BABAM2: variants seen among roughly 807,000 people sequenced by gnomAD.
BABAM2 encodes the protein BRISC and BRCA1-A complex member 2.
Under a neutral mutation model 54.7 loss-of-function variants are expected in BABAM2, and 31 were observed. That is an observed-to-expected ratio of 0.57 (90% CI 0.43 to 0.77). The LOEUF (loss-of-function observed/expected upper bound fraction) is 0.77, where lower values mean the gene tolerates loss of function less well. Among genes scored for constraint, BABAM2 ranks in the 30% least tolerant of loss-of-function variants. The probability of loss-of-function intolerance (pLI) is 0.00; values close to 1 mark genes in which losing one functional copy is unlikely to be tolerated. For missense variants in BABAM2, 364 were observed against 455.8 expected (o/e 0.80, Z 1.83); for synonymous variants, 167 against 162.9 (o/e 1.03, Z -0.19).
At chr2:27,960,716 GC>G (rs1670405725) in intron 3 of BABAM2, among the ~76,000 whole-genome samples, 1 of 152,178 alleles carries the variant, frequency 6.6e-6, no homozygotes, top group South Asian at 2.1e-4. Flanking sequence ...GGACCACAGA[GC>G]CTAAGTGACT....
intron 7 of BABAM2, among the ~76,000 whole-genome samples, chr2:28,157,428 A>G (rs4666040): frequency 0.25 from 37,841 of 152,134 alleles, 5,538 homozygotes; most frequent in East Asian, 0.55. Context: ...TTACACTCCT[A>G]GCATATATGA....
At chr2:27,939,421 T>C (rs921508374) in intron 3 of BABAM2, among the ~76,000 whole-genome samples, 13 of 152,214 alleles carry the variant, frequency 8.5e-5, no homozygotes, top group South Asian at 2.1e-4. Flanking sequence ...CAATTAAATA[T>C]TTGTTGAAGA....
intron 7 of BABAM2, among the ~76,000 whole-genome samples, chr2:28,184,722 T>C (rs1384604186): frequency 6.6e-6 from 1 of 152,180 alleles, no homozygotes; most frequent in South Asian, 2.1e-4. Flanking sequence ...CAGTCTATCA[T>C]TGATGGACAT....
At chr2:28,321,824 C>A (rs552569158) in intron 11 of BABAM2, among the ~76,000 whole-genome samples, 1 of 152,096 alleles carries the variant, frequency 6.6e-6, no homozygotes, top group East Asian at 1.9e-4. Flanking sequence ...CTTTGCCTCT[C>A]ACTGCTTGGA....
intron 10 of BABAM2, among the ~76,000 whole-genome samples, chr2:28,250,843 C>T (rs1683407746): frequency 6.6e-6 from 1 of 152,184 alleles, no homozygotes; most frequent in African/African-American, 2.4e-5. Flanking sequence ...TCGTGATCTA[C>T]CCGCCATGGC....
chr2:28,071,477 T>C (rs1360413531), intron 6 of BABAM2, among the ~76,000 whole-genome samples: 1 of 152,226 alleles, frequency 6.6e-6, no homozygotes, highest in East Asian at 1.9e-4. Flanking sequence ...TTATTGGTGG[T>C]GATGTGTTCT....
At chr2:28,224,082 C>G (rs571750956) in intron 7 of BABAM2, among the ~76,000 whole-genome samples, 1 of 152,310 alleles carries the variant, frequency 6.6e-6, no homozygotes, top group African/African-American at 2.4e-5. Flanking sequence ...TGGCACATGA[C>G]TCCATGTGAA....
intron 3 of BABAM2, among the ~76,000 whole-genome samples, chr2:27,973,630 AC>A (rs1422315766): frequency 6.6e-6 from 1 of 152,158 alleles, no homozygotes; most frequent in African/African-American, 2.4e-5. Flanking sequence ...AAAAGGTGCC[AC>A]TGGGAGGCAG....
intron 6 of BABAM2, among the ~76,000 whole-genome samples, chr2:28,075,452 G>A (rs1305115116): frequency 6.6e-6 from 1 of 152,108 alleles, no homozygotes; most frequent in African/African-American, 2.4e-5. Flanking sequence ...AAGAATATTT[G>A]TGTTTAGGTA....
intron 8 of BABAM2, among the ~76,000 whole-genome samples, chr2:28,238,933 A>G (rs996117447): frequency 6.6e-6 from 1 of 152,052 alleles, no homozygotes; most frequent in African/African-American, 2.4e-5. Context: ...TTGTCTTTTG[A>G]AATTGATGTT....
At chr2:28,212,182 T>A (rs1211487731) in intron 7 of BABAM2, among the ~76,000 whole-genome samples, 25 of 152,246 alleles carry the variant, frequency 1.6e-4, no homozygotes, top group Admixed American at 1.6e-3. Context: ...CTTGAGATAT[T>A]TGCAAATTAT....
chr2:28,142,440 A>G (rs1671145960), intron 7 of BABAM2, among the ~76,000 whole-genome samples: 1 of 152,174 alleles, frequency 6.6e-6, no homozygotes, highest in African/African-American at 2.4e-5. Flanking sequence ...GCTGAGCCAA[A>G]CCATTAATTT....
intron 6 of BABAM2, among the ~76,000 whole-genome samples, chr2:28,108,828 A>T (rs537181634): frequency 5.9e-5 from 9 of 151,996 alleles, no homozygotes; most frequent in Non-Finnish European, 1.3e-4. Context: ...TAGCAGAATG[A>T]TGTCGTGAAA....
intron 11 of BABAM2, among the ~76,000 whole-genome samples, chr2:28,334,680 C>T (rs758586843): frequency 6.6e-6 from 1 of 152,226 alleles, no homozygotes; most frequent in Non-Finnish European, 1.5e-5. Context: ...TTCCATGTTG[C>T]TGGGGAAATA....
intron 10 of BABAM2, among the ~76,000 whole-genome samples, chr2:28,246,584 T>G (rs1682938579): frequency 1.3e-5 from 2 of 152,162 alleles, no homozygotes; most frequent in Admixed American, 6.5e-5. Flanking sequence ...AGCAGGACAA[T>G]TGCAGACACT....
chr2:28,250,039 A>G (rs1055772856), intron 10 of BABAM2, among the ~76,000 whole-genome samples: 2 of 152,240 alleles, frequency 1.3e-5, no homozygotes, highest in South Asian at 2.1e-4. Context: ...GAACAAAGTA[A>G]AAGGCTATGA....
chr2:28,054,341 C>G (rs1001812073), intron 6 of BABAM2, among the ~76,000 whole-genome samples: 3 of 152,002 alleles, frequency 2.0e-5, no homozygotes, highest in African/African-American at 7.2e-5. Flanking sequence ...TTTATTCCAT[C>G]TTCTCTCTTA....
At chr2:28,174,039 T>C (rs965725418) in intron 7 of BABAM2, among the ~76,000 whole-genome samples, 3 of 152,200 alleles carry the variant, frequency 2.0e-5, no homozygotes, top group African/African-American at 4.8e-5. Flanking sequence ...AAAAAAGTTA[T>C]TGAGGGATGA....
chr2:27,918,233 C>A (rs1405574110), intron 2 of BABAM2, among the ~76,000 whole-genome samples: 2 of 152,162 alleles, frequency 1.3e-5, no homozygotes, highest in African/African-American at 4.8e-5. Context: ...ACTATAGCTT[C>A]CTATTTCCCT....
Sources: gnomAD v4.1 joint callset for allele counts (sites outside exome capture counted in the v4.1 genomes callset) on GRCh38, gnomAD v4.1.1 for gene constraint, MANE v1.5 for transcripts, NCBI Gene and HGNC (gene_info 2026-07-23, HGNC 2026-07-21) for gene names.